Variants in FCHO1 observed in about 807,000 individuals in gnomAD.
FCHO1 encodes the protein FCH and mu domain containing endocytic adaptor 1, also known as F-BAR domain only protein 1.
FCHO1 carries 45 observed loss-of-function variants against 114.4 expected under a neutral mutation model. That is an observed-to-expected ratio of 0.39 (90% CI 0.31 to 0.50). FCHO1 has a LOEUF of 0.50. Ranked by LOEUF, FCHO1 falls within the 20% of genes least tolerant of loss-of-function variation. The probability of loss-of-function intolerance (pLI) is 0.77; values close to 1 mark genes in which losing one functional copy is unlikely to be tolerated. For synonymous variants in FCHO1, 480 were observed against 488.9 expected, an observed-to-expected ratio of 0.98 and a Z score of 0.24; for missense variants, 1,042 against 1,209.6, an observed-to-expected ratio of 0.86 and a Z score of 2.06.
intron 4 of FCHO1, among the ~76,000 whole-genome samples, chr19:17,760,976 C>T (rs747026412): frequency 1.3e-5 from 2 of 152,082 alleles, no homozygotes; most frequent in Non-Finnish European, 2.9e-5. Flanking sequence ...TGAGGAGCTC[C>T]TAAAAGCTCA....
intron 6 of FCHO1, among the ~76,000 whole-genome samples, chr19:17,764,661 AGC>A (rs113979886): frequency 0.17 from 25,575 of 152,154 alleles, 2,272 homozygotes; most frequent in African/African-American, 0.18. Flanking sequence ...AAGCACCAGC[AGC>A]AACCCAGACA....
At chr19:17,765,576 G>C (rs2088616809) in intron 6 of FCHO1, among the ~76,000 whole-genome samples, 1 of 152,142 alleles carries the variant, frequency 6.6e-6, no homozygotes, top group South Asian at 2.1e-4. Context: ...AGGAGGCTGA[G>C]GCAGGAGGAT....
intron 5 of FCHO1, 95 bp downstream of exon 5, chr19:17,762,948 A>AC: frequency 1.2e-6 from 1 of 837,394 alleles, no homozygotes; most frequent in Non-Finnish European, 2.0e-6. Flanking sequence ...AGGGGCTAGA[A>AC]CCCTGGGGAT....
At chr19:17,772,404 ACTT>A (rs1359584770) in intron 9 of FCHO1, 50 bp from the exon 10 acceptor site, 3 of 1,386,582 alleles carry the variant, frequency 2.2e-6, no homozygotes, top group East Asian at 2.3e-5. Context: ...TCATATGGCC[ACTT>A]CTTCTTGGCC....
At chr19:17,753,588 T>G (rs900086256) in intron 1 of FCHO1, 14 of 152,170 alleles carry the variant, frequency 9.2e-5, no homozygotes, top group Non-Finnish European at 1.8e-4. Flanking sequence ...CTAGTCTGGG[T>G]GAGCAAGTAG....
rs1467190032 is a variant in FCHO1 at position 17,770,840 on chromosome 19, G to C, written c.538G>C (p.Glu180Gln). ...GGCAGAGAGCCTGCGGCGCTCAGTG[G>C]AAAAATACAACTCAGCCCGAGCTGA... ...KAAESLRRSV[E>Q]KYNSARADFE... The change falls in exon 9 of 29, where the codon GAA becomes CAA. Residue 180 changes from glutamate to glutamine, a missense_variant. Glu to Gln is a conservative substitution (Grantham distance 29). This residue lies in a region of FCHO1 where 450 missense variants were observed against 564.1 expected (regional missense o/e 0.80). Transcript: ENST00000596536. The C allele has an allele frequency of 4.3e-6, 7 of 1,614,172 alleles. No homozygotes were observed. The South Asian group carries it at 7.7e-5, about 18-fold the overall frequency.
chr19:17,767,333 A>C (rs62121729), intron 7 of FCHO1, among the ~76,000 whole-genome samples: 24,368 of 148,934 alleles, frequency 0.16, 2,584 homozygotes, highest in East Asian at 0.4. Context: ...GGATGGCTGG[A>C]GCCCAGGATC....
intron 4 of FCHO1, among the ~76,000 whole-genome samples, chr19:17,758,262 C>A (rs1302220302): frequency 1.3e-5 from 2 of 150,178 alleles, no homozygotes; most frequent in African/African-American, 4.9e-5. Context: ...GAGGGAGCAA[C>A]AGTGAAGTGG....
chr19:17,766,668 G>A lies in FCHO1; in HGVS notation c.195-1G>A. 1 of 1,614,110 alleles carries A rather than the reference G, an allele frequency of 6.2e-7. No individual in the cohort carries two copies. The highest frequency in any genetic ancestry group is 8.5e-7 in the Non-Finnish European group (1 of 1,180,020). ...CTGGGTGTGACCTTGCCCGCCCCCA[G>A]GACCTTCGCCCCGCTCTGGGAGGTC... On this transcript the variant is annotated splice_acceptor_variant, in intron 6 of 28. Coordinates refer to ENST00000596536, the MANE Select transcript of FCHO1 (RefSeq NM_015122.3). LOFTEE classifies it high-confidence loss of function.
chr19:17,785,021 T>G, intron 26 of FCHO1, 97 bp downstream of exon 26: 1 of 1,229,444 alleles, frequency 8.1e-7, no homozygotes, highest in Non-Finnish European at 1.2e-6. Flanking sequence ...ACCCTCGGCC[T>G]GACCGTTAAC....
At chr19:17,756,951 G>T (rs1197666362) in intron 4 of FCHO1, among the ~76,000 whole-genome samples, 1 of 152,124 alleles carries the variant, frequency 6.6e-6, no homozygotes, top group African/African-American at 2.4e-5. Flanking sequence ...CACTTTGGGA[G>T]GCCGAGGGAG....
At position 17,775,617 on chromosome 19, in the gene FCHO1, A is replaced by G. The variant is rs1241821369; in HGVS notation, c.1003+104A>G. ...GCAGTCCTCTCTGTGTACATCCTGG[A>G]GAGAGTCTCCTTTGTGGATGAAGCC... On this transcript the variant is annotated intron_variant, in intron 15 of 28. Coordinates refer to ENST00000596536, the MANE Select transcript of FCHO1 (RefSeq NM_015122.3). This position sits in a 1 kb window ranked among gnomAD's most constrained non-coding sequence, Gnocchi z 5.1. 1.8e-6 allele frequency: 2 copies of G among 1,116,232 alleles called. No individual in the cohort carries two copies. Among genetic ancestry groups the G allele is most frequent in the Non-Finnish European group, 2.7e-6 (2 of 733,276 alleles). The allele number at this position is 1,116,232 out of a possible 1,614,324, so 69.1% of individuals were successfully genotyped here.
intron 26 of FCHO1, among the ~76,000 whole-genome samples, chr19:17,785,954 A>G (rs1049983741): frequency 1.3e-5 from 2 of 152,030 alleles, no homozygotes; most frequent in South Asian, 2.1e-4. Flanking sequence ...CTGGGTGACA[A>G]CTGTCTCTTA....
intron 6 of FCHO1, among the ~76,000 whole-genome samples, chr19:17,765,271 A>G (rs2088413331): frequency 6.6e-6 from 1 of 152,004 alleles, no homozygotes; most frequent in African/African-American, 2.4e-5. Context: ...ATGTTTACGG[A>G]AGAGTGAGGA....
intron 23 of FCHO1, 60 bp downstream of exon 23, chr19:17,781,880 G>A: frequency 8.5e-7 from 1 of 1,169,684 alleles, no homozygotes; most frequent in South Asian, 1.5e-5. Flanking sequence ...GTCCAGCAGG[G>A]ACAGCTTTCA....
chr19:17,776,021 G>A lies in FCHO1; in HGVS notation c.1042G>A (p.Asp348Asn), dbSNP rs781383645. 6 of 1,609,238 alleles carry A rather than the reference G, an allele frequency of 3.7e-6. No individual in the cohort carries two copies. Among genetic ancestry groups the A allele is most frequent in the Non-Finnish European group, 5.1e-6 (6 of 1,179,974 alleles). The change falls in exon 16 of 29, where the codon GAC (aspartate) becomes AAC (asparagine). Residue 348 changes from aspartate to asparagine, a missense_variant. Coordinates refer to ENST00000596536, the MANE Select transcript of FCHO1 (RefSeq NM_015122.3). This position sits in a 1 kb window ranked among gnomAD's most constrained non-coding sequence, Gnocchi z 4.4. ...CTCCCGTTTCTCGTCCAGCGACTCC[G>A]ACTTCGACGATGAAGAGCCCCGCAA... ...EPSRFSSSDSDFDDEEPRKFY... is the reference protein window; with the variant it reads ...EPSRFSSSDSNFDDEEPRKFY...
intron 28 of FCHO1, 84 bp from the exon 29 acceptor site, chr19:17,788,200 T>C (rs371337230): frequency 3.0e-6 from 3 of 1,001,350 alleles, no homozygotes; most frequent in Non-Finnish European, 3.1e-6. Flanking sequence ...ACAAGGATGA[T>C]TGAAGCATCC....
chr19:17,757,045 C>T (rs917207788), intron 4 of FCHO1, among the ~76,000 whole-genome samples: 4 of 151,874 alleles, frequency 2.6e-5, no homozygotes, highest in African/African-American at 4.8e-5. Flanking sequence ...AAAAATTAGC[C>T]GGGCATAGTA....
At position 17,776,481 on chromosome 19, in the gene FCHO1, C is replaced by T. The variant is rs2092646565; in HGVS notation, c.1208-154C>T. ...GCCAGGAGAAGCTAGCATCTGGAGA[C>T]AGGCTCGCTTAGGCTTGAATCCATG... On this transcript the variant is annotated intron_variant, in intron 17 of 28. Coordinates refer to ENST00000596536, the MANE Select transcript of FCHO1 (RefSeq NM_015122.3). The surrounding 1 kb of genome is among the most constrained non-coding windows in gnomAD (Gnocchi z 4.4). The T allele has an allele frequency of 7.8e-6, 8 of 1,022,242 alleles. No homozygotes were observed. Among genetic ancestry groups the T allele is most frequent in the Non-Finnish European group, 1.2e-5 (8 of 658,276 alleles). The allele number at this position is 1,022,242 out of a possible 1,614,324, so 63.3% of individuals were successfully genotyped here.
Sources: allele counts gnomAD v4.1 joint callset (sites outside exome capture counted in the v4.1 genomes callset), GRCh38; gene constraint gnomAD v4.1.1; regional missense constraint gnomAD v4.1.1; non-coding constraint Gnocchi (gnomAD v3.1); transcripts MANE v1.5; gene names NCBI Gene and HGNC (gene_info 2026-07-23, HGNC 2026-07-21).